WWOX: variants seen among roughly 807,000 people sequenced by gnomAD.
WWOX encodes the protein WW domain containing oxidoreductase.
In WWOX, 69 loss-of-function variants were observed where a neutral mutation model predicts 46.2. The ratio of observed to expected loss-of-function variants is 1.49; its 90% CI spans 1.23 to 1.82. The LOEUF (loss-of-function observed/expected upper bound fraction) is 1.82. Ranked by LOEUF, WWOX falls within the 40% of genes most tolerant of loss-of-function variation. The probability of loss-of-function intolerance (pLI) is 0.00; values close to 1 mark genes in which losing one functional copy is unlikely to be tolerated. For missense variants in WWOX, 919 were observed against 542.6 expected, an observed-to-expected ratio of 1.69 and a Z score of -6.89; for synonymous variants, 359 against 202.6, an observed-to-expected ratio of 1.77 and a Z score of -6.56.
intron 8 of WWOX, among the ~76,000 whole-genome samples, chr16:78,805,046 C>A (rs73575677): frequency 6.6e-6 from 1 of 152,204 alleles, no homozygotes; most frequent in Admixed American, 6.5e-5. Flanking sequence ...CTGATATTTG[C>A]AACCCATCTT....
At chr16:78,283,185 A>G (rs1392565117) in intron 5 of WWOX, among the ~76,000 whole-genome samples, 2 of 151,816 alleles carry the variant, frequency 1.3e-5, no homozygotes, top group African/African-American at 4.9e-5. Flanking sequence ...TTGAGGAGGC[A>G]ACATGACAAC....
In WWOX at chr16:78,671,480, G is replaced by T. The variant is rs182597149; in HGVS notation, c.1056+238728G>T. Reference sequence around the variant, plus strand: ...TCTATTGTTTTAAGACAATTTGCCTGTGGCCCTAGGAAACCAGTATAGATA... The same window carrying T: ...TCTATTGTTTTAAGACAATTTGCCTTTGGCCCTAGGAAACCAGTATAGATA... On this transcript the variant is annotated intron_variant, in intron 8 of 8. Transcript: ENST00000566780. Among the ~76,000 whole-genome samples the T allele has an allele frequency of 1.2e-4, 19 of 152,282 alleles. 1 individual carries two copies. In the East Asian group the frequency reaches 3.5e-3, roughly 28 times the overall value.
At chr16:78,550,178 C>G (rs976795906) in intron 8 of WWOX, among the ~76,000 whole-genome samples, 29 of 152,214 alleles carry the variant, frequency 1.9e-4, no homozygotes, top group African/African-American at 7.0e-4. Context: ...TTACTATTGT[C>G]ATTAAAAGTT....
At chr16:78,726,629 C>G (rs1007312083) in intron 8 of WWOX, among the ~76,000 whole-genome samples, 1 of 151,954 alleles carries the variant, frequency 6.6e-6, no homozygotes, top group African/African-American at 2.4e-5. Flanking sequence ...TTTATTTGAG[C>G]AATTAATGGA....
At chr16:78,882,894 C>T (rs1483466542) in intron 8 of WWOX, among the ~76,000 whole-genome samples, 2 of 151,654 alleles carry the variant, frequency 1.3e-5, no homozygotes, top group African/African-American at 4.9e-5. Context: ...GGTCGAGTGA[C>T]ACAAACTGGA....
intron 8 of WWOX, among the ~76,000 whole-genome samples, chr16:78,934,414 C>T (rs913855341): frequency 2.1e-5 from 3 of 143,752 alleles, no homozygotes; most frequent in African/African-American, 7.8e-5. Flanking sequence ...AAGGCTAAAG[C>T]AGGAGGATCA....
Position 79,203,058 on chromosome 16 carries a change from T to C in WWOX, c.1057-8550T>C, listed in dbSNP as rs371090322. On this transcript the variant is annotated intron_variant, in intron 8 of 8. Transcript: ENST00000566780. The stretch of plus-strand genomic sequence containing the variant: ...CTCACTAACACCGAGGCAGAATTAT[T>C]TACCCGGGCAATTAAAGCAACAGCA... 5 of 152,202 alleles carry C rather than the reference T, an allele frequency of 3.3e-5. No homozygotes were observed. The East Asian group carries it at 7.7e-4, about 23-fold the overall frequency. 9.4% of individuals were successfully genotyped at this position (152,202 alleles called of 1,614,324 possible). A position where few individuals can be genotyped will look rare whatever the true frequency, so the allele number is the denominator to read the frequency against.
At position 78,188,321 on chromosome 16, in the gene WWOX, T is replaced by G. The variant is rs571433166; in HGVS notation, c.516+24032T>G. Among the ~76,000 whole-genome samples the G allele has an allele frequency of 2.8e-4, 43 of 151,698 alleles. No homozygotes were observed. In the South Asian group the frequency reaches 8.3e-3, roughly 29 times the overall value. ...TGGCTAACACGGTGAAACCCCGTCTTTACTAAAAATACAAAAAATTAGCCA... is the reference window on the plus strand; with the variant it reads ...TGGCTAACACGGTGAAACCCCGTCTGTACTAAAAATACAAAAAATTAGCCA... On this transcript the variant is annotated intron_variant, in intron 5 of 8. Transcript: ENST00000566780.
At chr16:78,718,669 C>T (rs747161460) in intron 8 of WWOX, among the ~76,000 whole-genome samples, 1 of 152,090 alleles carries the variant, frequency 6.6e-6, no homozygotes, top group Non-Finnish European at 1.5e-5. Flanking sequence ...GATCACACCA[C>T]AGCACTCCAG....
chr16:78,687,731 G>A (rs891237177), intron 8 of WWOX, among the ~76,000 whole-genome samples: 2 of 152,250 alleles, frequency 1.3e-5, no homozygotes, highest in Non-Finnish European at 2.9e-5. Context: ...TAGGCATTAT[G>A]TTATTCTAAA....
intron 8 of WWOX, among the ~76,000 whole-genome samples, chr16:78,726,055 C>A (rs572551415): frequency 8.3e-4 from 123 of 148,868 alleles, no homozygotes; most frequent in African/African-American, 2.9e-3. Flanking sequence ...CTTACTTTTA[C>A]TCCTCCCTGC....
At chr16:79,104,313 C>T (rs78951579) in intron 8 of WWOX, among the ~76,000 whole-genome samples, 1,876 of 152,254 alleles carry the variant, frequency 0.012, 31 homozygotes, top group African/African-American at 0.043. Context: ...TCTGCTATTA[C>T]TGTTATTTCA....
intron 5 of WWOX, among the ~76,000 whole-genome samples, chr16:78,195,151 C>A (rs1213296638): frequency 6.6e-6 from 1 of 152,302 alleles, no homozygotes; most frequent in African/African-American, 2.4e-5. Flanking sequence ...TGGTACTTCA[C>A]CCTGGAGAGC....
chr16:78,904,612 G>T (rs955875243), intron 8 of WWOX, among the ~76,000 whole-genome samples: 20 of 152,224 alleles, frequency 1.3e-4, no homozygotes, highest in African/African-American at 4.8e-4. Context: ...TGCCTCCCAG[G>T]TGTTGGTGCT....
chr16:79,038,925 C>G (rs552162311), intron 8 of WWOX, among the ~76,000 whole-genome samples: 3 of 152,270 alleles, frequency 2.0e-5, no homozygotes, highest in Non-Finnish European at 2.9e-5. Flanking sequence ...ACTTACAAAT[C>G]TGCATTTCAT....
At chr16:78,865,802 C>A (rs1471229433) in intron 8 of WWOX, among the ~76,000 whole-genome samples, 1 of 152,186 alleles carries the variant, frequency 6.6e-6, no homozygotes, top group Non-Finnish European at 1.5e-5. Flanking sequence ...ATCACTTGAA[C>A]TCGGAAGGCA....
intron 8 of WWOX, chr16:79,205,734 T>C (rs886727444): frequency 1.3e-5 from 2 of 152,218 alleles, no homozygotes; most frequent in African/African-American, 4.8e-5. Context: ...AAGGCTGGAT[T>C]GTTGAAGGCC....
chr16:78,657,928 A>G (rs945047513), intron 8 of WWOX, among the ~76,000 whole-genome samples: 1 of 152,088 alleles, frequency 6.6e-6, no homozygotes, highest in South Asian at 2.1e-4. Context: ...AATACTCAAT[A>G]AATTACTTTT....
chr16:78,586,926 C>G (rs531708024), intron 8 of WWOX, among the ~76,000 whole-genome samples: 3 of 152,282 alleles, frequency 2.0e-5, no homozygotes, highest in African/African-American at 7.2e-5. Flanking sequence ...CCTTCTCCCA[C>G]TTTTCTTAAC....
Sources: gnomAD v4.1 joint callset for allele counts (sites outside exome capture counted in the v4.1 genomes callset) on GRCh38, gnomAD v4.1.1 for gene constraint, MANE v1.5 for transcripts, NCBI Gene and HGNC (gene_info 2026-07-23, HGNC 2026-07-21) for gene names.